BMAL2: variants seen among roughly 807,000 people sequenced by gnomAD.
BMAL2 encodes the protein basic helix-loop-helix ARNT-like protein 2.
At chr12:27,381,490 G>T in the BMAL2 span, among the ~76,000 whole-genome samples, 5 of 152,050 alleles carry the variant, frequency 3.3e-5, no homozygotes, top group Admixed American at 6.6e-5. Flanking sequence ...ACCAAGAGAG[G>T]GTAGGGGAGG....
At chr12:27,364,408 A>G in the BMAL2 span, among the ~76,000 whole-genome samples, 1 of 152,078 alleles carries the variant, frequency 6.6e-6, no homozygotes, top group African/African-American at 2.4e-5. Context: ...AAACCAATTG[A>G]TCCCGGACCA....
chr12:27,380,814 G>A, the BMAL2 span, among the ~76,000 whole-genome samples: 3 of 151,922 alleles, frequency 2.0e-5, no homozygotes, highest in African/African-American at 7.3e-5. Flanking sequence ...TTCGAAACAA[G>A]CCTGGGCAAA....
the BMAL2 span, chr12:27,403,451 G>A: frequency 6.2e-7 from 1 of 1,605,720 alleles, no homozygotes; most frequent in South Asian, 1.1e-5. Flanking sequence ...AGACAGTCCT[G>A]TATGAGTGTA....
the BMAL2 span, chr12:27,387,410 C>A: frequency 2.4e-6 from 2 of 838,960 alleles, no homozygotes; most frequent in East Asian, 2.5e-5. Flanking sequence ...ACCTTCTCCC[C>A]ACTGGGATAT....
At chr12:27,403,895 G>A in the BMAL2 span, among the ~76,000 whole-genome samples, 1 of 151,940 alleles carries the variant, frequency 6.6e-6, no homozygotes, top group Non-Finnish European at 1.5e-5. Context: ...AGGCATGGTG[G>A]GTCATGCCTG....
At chr12:27,347,295 T>A in the BMAL2 span, among the ~76,000 whole-genome samples, 8 of 152,202 alleles carry the variant, frequency 5.3e-5, no homozygotes, top group African/African-American at 1.9e-4. Context: ...TGCATTTTCT[T>A]CACTAATATG....
chr12:27,364,437 T>G, the BMAL2 span, among the ~76,000 whole-genome samples: 4 of 152,188 alleles, frequency 2.6e-5, no homozygotes, highest in African/African-American at 7.2e-5. Flanking sequence ...AAAGTTATTT[T>G]TTTTCCCCAC....
the BMAL2 span, among the ~76,000 whole-genome samples, chr12:27,369,583 C>T: frequency 6.6e-6 from 1 of 152,216 alleles, no homozygotes; most frequent in Non-Finnish European, 1.5e-5. Flanking sequence ...AATTATCAGT[C>T]AGTAGCTCCC....
the BMAL2 span, chr12:27,380,097 CCT>C: frequency 1.5e-6 from 1 of 686,776 alleles, no homozygotes; most frequent in Non-Finnish European, 2.4e-6. Flanking sequence ...GCAGCGCTTT[CCT>C]CTTCCCTCAC....
the BMAL2 span, among the ~76,000 whole-genome samples, chr12:27,410,450 A>G: frequency 1.3e-5 from 2 of 152,254 alleles, no homozygotes; most frequent in Non-Finnish European, 2.9e-5. Flanking sequence ...TTGTAGGGAC[A>G]TGGATGAAGC....
the BMAL2 span, among the ~76,000 whole-genome samples, chr12:27,410,437 C>T: frequency 6.6e-6 from 1 of 152,282 alleles, no homozygotes; most frequent in East Asian, 1.9e-4. Flanking sequence ...GAGTTCATGT[C>T]CTTTGTAGGG....
the BMAL2 span, among the ~76,000 whole-genome samples, chr12:27,371,246 G>C: frequency 6.6e-6 from 1 of 152,210 alleles, no homozygotes; most frequent in Non-Finnish European, 1.5e-5. Flanking sequence ...ACTTTGGGAG[G>C]CAGAGGCGGG....
At chr12:27,352,147 G>C in the BMAL2 span, among the ~76,000 whole-genome samples, 1 of 152,026 alleles carries the variant, frequency 6.6e-6, no homozygotes, top group African/African-American at 2.4e-5. Flanking sequence ...AATAATTTTA[G>C]GATAAGTTCA....
the BMAL2 span, among the ~76,000 whole-genome samples, chr12:27,388,321 G>C: frequency 6.6e-6 from 1 of 152,122 alleles, no homozygotes; most frequent in Non-Finnish European, 1.5e-5. Context: ...GAGAGTTCTG[G>C]ATATAGACTT....
chr12:27,390,538 G>T, the BMAL2 span: 2 of 270,706 alleles, frequency 7.4e-6, no homozygotes, highest in East Asian at 2.1e-4. Flanking sequence ...AACTTTTGCT[G>T]TGAAACTTCA....
At chr12:27,353,432 G>A in the BMAL2 span, among the ~76,000 whole-genome samples, 4 of 152,164 alleles carry the variant, frequency 2.6e-5, no homozygotes, top group African/African-American at 9.6e-5. Context: ...AACTCAAGGT[G>A]GATTAAAGAC....
At chr12:27,419,784 A>T in the BMAL2 span, among the ~76,000 whole-genome samples, 1 of 152,190 alleles carries the variant, frequency 6.6e-6, no homozygotes, top group African/African-American at 2.4e-5. Flanking sequence ...ACCTTTGGTT[A>T]GTCTTTATCT....
the BMAL2 span, among the ~76,000 whole-genome samples, chr12:27,386,968 A>T: frequency 6.6e-6 from 1 of 152,148 alleles, no homozygotes; most frequent in African/African-American, 2.4e-5. Context: ...AGTTTTTAAG[A>T]AATGTCTCAA....
the BMAL2 span, among the ~76,000 whole-genome samples, chr12:27,364,024 A>T: frequency 7.9e-5 from 12 of 152,150 alleles, no homozygotes; most frequent in Admixed American, 4.6e-4. Context: ...AGGCACGGGC[A>T]ACTTCATTGT....
Sources: allele counts gnomAD v4.1 joint callset (sites outside exome capture counted in the v4.1 genomes callset), GRCh38; gene constraint gnomAD v4.1.1; transcripts MANE v1.5; gene names NCBI Gene and HGNC (gene_info 2026-07-23, HGNC 2026-07-21).